USB1: variants seen among roughly 807,000 people sequenced by gnomAD.
USB1 encodes the protein U6 snRNA biogenesis phosphodiesterase 1, also known as U6 snRNA phosphodiesterase 1.
A neutral mutation model predicts 29.9 loss-of-function variants in USB1; 21 were observed. That is an observed-to-expected ratio of 0.70 (90% CI 0.50 to 1.01). The LOEUF (loss-of-function observed/expected upper bound fraction) is 1.01, where lower values mean the gene tolerates loss of function less well. Among genes scored for constraint, USB1 ranks in the 50% least tolerant of loss-of-function variants. The pLI is 0.00. For synonymous variants in USB1, 143 were observed against 134.9 expected, an observed-to-expected ratio of 1.06 and a Z score of -0.42; for missense variants, 330 against 347.1, an observed-to-expected ratio of 0.95 and a Z score of 0.39.
At position 58,002,544 on chromosome 16, in the gene USB1, G is replaced by A. The variant is rs746613694; in HGVS notation, c.164G>A (p.Gly55Asp). 1.9e-6 allele frequency: 3 copies of A among 1,614,132 alleles called. No individual in the cohort carries two copies. Among genetic ancestry groups the A allele is most frequent in the Non-Finnish European group, 2.5e-6 (3 of 1,180,042 alleles). The stretch of plus-strand genomic sequence containing the variant: ...GACAGTGTGCTGAACATGTTCCCGG[G>A]CACCGAGGAGGGGCCTGAAGATGAC... ...VPDSVLNMFP[G>D]TEEGPEDDST... Residue 55 changes from glycine (G) to aspartate (D), a missense_variant, in exon 2 of 7, where the codon GGC (glycine) becomes GAC (aspartate). Transcript: ENST00000219281.
rs190283472 is a variant in USB1 at position 58,020,176 on chromosome 16, G to A, written c.729G>A (p.Leu243=). ...IVDGFEDAEV[L]LRVHTEQVRC... ...ATGGGTTTGAAGATGCTGAGGTGCT[G>A]CTGCGCGTGCACACTGAGCAAGTCC... The change falls in exon 7 of 7, where the codon CTG becomes CTA. Residue 243 remains leucine (L), a synonymous_variant. Transcript: ENST00000219281. 1.2e-4 allele frequency: 187 copies of A among 1,614,176 alleles called. 1 individual carries two copies. In the Middle Eastern group the frequency reaches 1.6e-3, roughly 14 times the overall value.
Position 58,001,539 on chromosome 16 carries a change from A to C in USB1, c.56A>C (p.Glu19Ala). 2 of 1,609,680 alleles carry C rather than the reference A, an allele frequency of 1.2e-6. No individual in the cohort carries two copies. The change falls in exon 1 of 7, where the codon GAG becomes GCG. Residue 19 changes from glutamate to alanine, a missense_variant. Glu to Ala is a moderately radical substitution (Grantham distance 107). Coordinates refer to ENST00000219281, the MANE Select transcript of USB1 (RefSeq NM_024598.4). ...AGCAGCGGCTCCGAGGATGAGTCCG[A>C]GGACGGGATGCGGACCAGGCCGGGG... The part of the protein sequence containing the change: ...YSSSGSEDES[E>A]DGMRTRPGDG...
intron 2 of USB1, among the ~76,000 whole-genome samples, chr16:58,009,641 C>T (rs1159173392): frequency 2.6e-5 from 4 of 151,386 alleles, no homozygotes; most frequent in Non-Finnish European, 5.9e-5. Flanking sequence ...AGGAGAATGG[C>T]ATGAACCCGG....
chr16:58,004,182 C>T (rs968951902), intron 2 of USB1, among the ~76,000 whole-genome samples: 1 of 152,256 alleles, frequency 6.6e-6, no homozygotes, highest in East Asian at 1.9e-4. Flanking sequence ...CCAGTTATTC[C>T]AGCACCATTG....
At position 58,020,302 on chromosome 16, in the gene USB1, C is replaced by G; in HGVS notation, c.*57C>G. ...TGCAGACCAGGCTGAGATGGAGGAACCTGCTAAAATCGATGGAGATGCTTC... is the reference window on the plus strand; with the variant it reads ...TGCAGACCAGGCTGAGATGGAGGAAGCTGCTAAAATCGATGGAGATGCTTC... On this transcript the variant is annotated 3_prime_UTR_variant, in exon 7 of 7. Coordinates refer to ENST00000219281, the MANE Select transcript of USB1 (RefSeq NM_024598.4). 1.3e-6 allele frequency: 2 copies of G among 1,550,746 alleles called. No individual in the cohort carries two copies. Among genetic ancestry groups the G allele is most frequent in the Non-Finnish European group, 1.8e-6 (2 of 1,124,632 alleles).
In USB1 at chr16:58,002,598, C is replaced by T. The variant is rs751288061; in HGVS notation, c.218C>T (p.Thr73Ile). Residue 73 changes from threonine to isoleucine, a missense_variant, in exon 2 of 7, where the codon ACC becomes ATC. By Grantham distance (89) the Thr-to-Ile change is moderately conservative. Transcript: ENST00000219281. ...DSTKHGGRVRTFPHERGNWAT... is the reference protein window; with the variant it reads ...DSTKHGGRVRIFPHERGNWAT... ...ACAAAACACGGGGGACGGGTGCGCA[C>T]CTTCCCCCACGAGCGAGGCAACTGG... The T allele has an allele frequency of 3.1e-6, 5 of 1,613,996 alleles. No individual in the cohort carries two copies. The highest frequency in any genetic ancestry group is 4.2e-6 in the Non-Finnish European group (5 of 1,180,026).
At chr16:58,001,106 G>A (rs1247479502), upstream of USB1, among the ~76,000 whole-genome samples, 1 of 152,202 alleles carries the variant, frequency 6.6e-6, no homozygotes, top group Non-Finnish European at 1.5e-5. Context: ...GGCAGGCAGG[G>A]GTCTCCGCTG....
At chr16:58,017,180 G>A (rs1963635327) in intron 4 of USB1, 154 bp from the exon 5 acceptor site, 1 of 710,998 alleles carries the variant, frequency 1.4e-6, no homozygotes, top group African/African-American at 1.7e-5. Flanking sequence ...GACTGAGAGA[G>A]TTGGCTCATG....
chr16:58,002,772 T>G (rs1963259679), intron 2 of USB1, 127 bp downstream of exon 2: 7 of 1,338,892 alleles, frequency 5.2e-6, no homozygotes, highest in Non-Finnish European at 7.3e-6. Context: ...GGGAAAGTCA[T>G]TGACTTAGCA....
At chr16:58,014,384 A>C in intron 4 of USB1, 58 bp downstream of exon 4, 3 of 1,473,456 alleles carry the variant, frequency 2.0e-6, no homozygotes, top group Non-Finnish European at 1.9e-6. Flanking sequence ...GCAAAAATTG[A>C]GTGCTTTGTT....
Position 58,020,298 on chromosome 16 carries a change from G to C in USB1, c.*53G>C. 7 of 1,561,826 alleles carry C rather than the reference G, an allele frequency of 4.5e-6. No homozygotes were observed. The highest frequency in any genetic ancestry group is 6.2e-6 in the Non-Finnish European group (7 of 1,134,032). ...CCTCTGCAGACCAGGCTGAGATGGA[G>C]GAACCTGCTAAAATCGATGGAGATG... On this transcript the variant is annotated 3_prime_UTR_variant, in exon 7 of 7. Transcript: ENST00000219281.
intron 2 of USB1, among the ~76,000 whole-genome samples, chr16:58,007,660 G>A (rs528491185): frequency 2.0e-5 from 3 of 152,130 alleles, no homozygotes; most frequent in Admixed American, 2.0e-4. Flanking sequence ...GGGATGACAG[G>A]TGTGAGCCAC....
intron 2 of USB1, among the ~76,000 whole-genome samples, chr16:58,007,167 G>A (rs1450075311): frequency 1.3e-5 from 2 of 152,190 alleles, no homozygotes; most frequent in African/African-American, 4.8e-5. Flanking sequence ...ATATGGGTCT[G>A]TAGTTTTCTT....
chr16:58,010,217 A>G (rs1963461004), intron 3 of USB1, 105 bp downstream of exon 3: 4 of 1,390,566 alleles, frequency 2.9e-6, no homozygotes, highest in Non-Finnish European at 4.0e-6. Flanking sequence ...AGACCTAAAG[A>G]TAGAACACGG....
chr16:58,011,620 C>A, intron 3 of USB1: 1 of 989,022 alleles, frequency 1.0e-6, no homozygotes, highest in Non-Finnish European at 1.2e-6. Flanking sequence ...CAGGTGACAC[C>A]TCCGTCCAGA....
At chr16:58,000,788 G>A (rs1963162589), upstream of USB1, among the ~76,000 whole-genome samples, 1 of 151,930 alleles carries the variant, frequency 6.6e-6, no homozygotes, top group Non-Finnish European at 1.5e-5. This position sits in a 1 kb window ranked among gnomAD's most constrained non-coding sequence, Gnocchi z 4.5. Flanking sequence ...GCCCCCTGCC[G>A]GGGACCCCGT....
intron 4 of USB1, chr16:58,015,299 A>G (rs1278215862): frequency 6.6e-6 from 1 of 152,158 alleles, no homozygotes; most frequent in African/African-American, 2.4e-5. Context: ...ACGCCTCCCA[A>G]CATCCACTGT....
chr16:58,012,535 A>G (rs1597051581), intron 3 of USB1: 1 of 1,332,592 alleles, frequency 7.5e-7, no homozygotes, highest in East Asian at 2.6e-5. Flanking sequence ...TGACGAAGCC[A>G]CCGCATCTCC....
rs543369380 is a variant in USB1 at position 58,010,582 on chromosome 16, ATC to A, written c.449+472_449+473del. On this transcript the variant is annotated intron_variant, in intron 3 of 6. Coordinates refer to ENST00000219281, the MANE Select transcript of USB1 (RefSeq NM_024598.4). ...GTTGAGCTCTCAGGTTACCCACAAC[ATC>A]TGTCTGATTTCACTACAAATCAGAG... 1,931 of 258,136 alleles carry A rather than the reference ATC, an allele frequency of 7.5e-3. 14 individuals carry two copies. The highest frequency in any genetic ancestry group is 8.2e-3 in the Non-Finnish European group (1,098 of 133,530). 16.0% of individuals were successfully genotyped at this position (258,136 alleles called of 1,614,324 possible).
Sources: gnomAD v4.1 joint callset for allele counts (sites outside exome capture counted in the v4.1 genomes callset) on GRCh38, gnomAD v4.1.1 for gene constraint, Gnocchi (gnomAD v3.1) non-coding constraint, MANE v1.5 for transcripts, NCBI Gene and HGNC (gene_info 2026-07-23, HGNC 2026-07-21) for gene names.